The following ABLIM2 variants were observed in gnomAD, a reference collection of about 807,000 sequenced individuals.
ABLIM2 encodes actin binding LIM protein family member 2.
Under a neutral mutation model 97.7 loss-of-function variants are expected in ABLIM2, and 53 were observed. The observed-to-expected ratio is 0.54, with a 90% CI of 0.44 to 0.68. ABLIM2 has a LOEUF of 0.68. Ranked by LOEUF, ABLIM2 falls within the 30% of genes least tolerant of loss-of-function variation. ABLIM2 has a pLI of 0.00. For missense variants in ABLIM2, 835 were observed against 867.2 expected (o/e 0.96, Z 0.47); for synonymous variants, 361 against 345.8 (o/e 1.04, Z -0.49).
intron 1 of ABLIM2, among the ~76,000 whole-genome samples, chr4:8,146,173 C>A (rs1851773433): frequency 6.6e-6 from 1 of 152,212 alleles, no homozygotes; most frequent in Admixed American, 6.5e-5. Context: ...ATTTTTAATG[C>A]ACAATATTCC....
chr4:8,063,027 A>G (rs1262414706), intron 6 of ABLIM2, among the ~76,000 whole-genome samples: 1 of 152,186 alleles, frequency 6.6e-6, no homozygotes, highest in Non-Finnish European at 1.5e-5. Flanking sequence ...GCATGTCTAC[A>G]TGGCACGTCC....
At position 8,067,162 on chromosome 4, in the gene ABLIM2, T is replaced by C. The variant is rs1173305376; in HGVS notation, c.676-6108A>G. ...CAAAGAAGGCAGGCTGGATGCTACC[T>C]CCTGGGAAGACTCCATGGGCCATGG... On this transcript the variant is annotated intron_variant, in intron 6 of 20. Coordinates refer to ENST00000447017, the MANE Select transcript of ABLIM2 (RefSeq NM_001130083.2). This position sits in a 1 kb window ranked among gnomAD's most constrained non-coding sequence, Gnocchi z 5.4. 1.3e-5 allele frequency: 2 copies of C among 152,228 alleles called. No homozygotes were observed. Among genetic ancestry groups the C allele is most frequent in the East Asian group, 3.9e-4 (2 of 5,182 alleles). 9.4% of individuals were successfully genotyped at this position (152,228 alleles called of 1,614,324 possible).
At chr4:8,065,907 G>T (rs1806837089) in intron 6 of ABLIM2, among the ~76,000 whole-genome samples, 1 of 148,756 alleles carries the variant, frequency 6.7e-6, no homozygotes, top group African/African-American at 2.5e-5. Context: ...CTAAGCAACA[G>T]TGCAAGACTC....
intron 7 of ABLIM2, among the ~76,000 whole-genome samples, chr4:8,059,248 GC>G (rs767003200): frequency 1.6e-4 from 25 of 152,202 alleles, no homozygotes; most frequent in Middle Eastern, 3.4e-3. Context: ...GGACTAGCAG[GC>G]CAGAATTTGC....
chr4:8,003,561 C>CTTTTTT lies in ABLIM2; in HGVS notation c.1618+4492_1618+4497dup, dbSNP rs796877068. Among the ~76,000 whole-genome samples, 6 of 120,186 alleles carry CTTTTTT rather than the reference C, an allele frequency of 5.0e-5. No homozygotes were observed. Among genetic ancestry groups the CTTTTTT allele is most frequent in the Non-Finnish European group, 8.9e-5 (5 of 56,218 alleles). The allele number at this position is 120,186 out of a possible 152,430, so 78.8% of individuals were successfully genotyped here. ...ACCACTACGCTCTTCTTCCAGTTTT[C>CTTTTTT]TTTTTTTTTTTTTTTTTTTTTGGAG... On this transcript the variant is annotated intron_variant, in intron 16 of 20. Coordinates refer to ENST00000447017, the MANE Select transcript of ABLIM2 (RefSeq NM_001130083.2). The surrounding 1 kb of genome is among the most constrained non-coding windows in gnomAD (Gnocchi z 4.2).
At chr4:7,993,982 G>A (rs761203383) in intron 16 of ABLIM2, 3 of 501,602 alleles carry the variant, frequency 6.0e-6, no homozygotes, top group East Asian at 5.7e-5. Flanking sequence ...GGAAGTGAAC[G>A]CCTGCCTGGC....
intron 11 of ABLIM2, 71 bp from the exon 12 acceptor site, chr4:8,027,928 C>G (rs1215933714): frequency 9.1e-7 from 1 of 1,097,982 alleles, no homozygotes; most frequent in African/African-American, 1.6e-5. Context: ...TATTCCTCAT[C>G]CCCACTCTGC....
chr4:8,034,524 TG>T (rs1347086370), intron 10 of ABLIM2, among the ~76,000 whole-genome samples: 1 of 15,494 alleles, frequency 6.5e-5, no homozygotes, highest in Non-Finnish European at 1.1e-4. Context: ...TGCAGGTGGG[TG>T]GGTGGTAGGT....
In ABLIM2 at chr4:8,082,776, G is replaced by C. The variant is rs1022240486; in HGVS notation, c.455-1974C>G. On this transcript the variant is annotated intron_variant, in intron 4 of 20. Transcript: ENST00000447017. This position sits in a 1 kb window ranked among gnomAD's most constrained non-coding sequence, Gnocchi z 5.6. Reference sequence around the variant, plus strand: ...AATGAATGAATGGGAACCAAAGTGAGAGGATGCCTCCGCCCTTCTCAAGTC... The same window carrying C: ...AATGAATGAATGGGAACCAAAGTGACAGGATGCCTCCGCCCTTCTCAAGTC... Among the ~76,000 whole-genome samples, 1 of 152,232 alleles carries C rather than the reference G, an allele frequency of 6.6e-6. No individual in the cohort carries two copies. The highest frequency in any genetic ancestry group is 2.4e-5 in the African/African-American group (1 of 41,470).
rs1257926042 is a variant in ABLIM2 at position 8,122,792 on chromosome 4, G to A, written c.11-16155C>T. ...GTCCTCTCTTCACCATTTACGGATG[G>A]GCAAACAGAGGTTCCAAGCAGGAAT... On this transcript the variant is annotated intron_variant, in intron 1 of 20. Coordinates refer to ENST00000447017, the MANE Select transcript of ABLIM2 (RefSeq NM_001130083.2). This position sits in a 1 kb window ranked among gnomAD's most constrained non-coding sequence, Gnocchi z 4.1. Among the ~76,000 whole-genome samples the A allele has an allele frequency of 6.6e-6, 1 of 152,058 alleles. No homozygotes were observed. Among genetic ancestry groups the A allele is most frequent in the Non-Finnish European group, 1.5e-5 (1 of 68,014 alleles).
rs932306965 is a variant in ABLIM2 at position 8,029,667 on chromosome 4, T to C, written c.1157A>G (p.Tyr386Cys). Reference sequence around the variant, plus strand: ...AGGGGGCCAAGTACCTGGACGGCTGTAGTGCTGTGGTGACCGTGAGGTCGG... The same window carrying C: ...AGGGGGCCAAGTACCTGGACGGCTGCAGTGCTGTGGTGACCGTGAGGTCGG... ...YTPTSRSPQH[Y>C]SRPAGTVSVG... is the part of the protein sequence containing the mutation. The change falls in exon 11 of 21, where the codon TAC becomes TGC. Residue 386 changes from tyrosine (Y) to cysteine (C), a missense_variant. By Grantham distance (194) the Tyr-to-Cys change is radical. Coordinates refer to ENST00000447017, the MANE Select transcript of ABLIM2 (RefSeq NM_001130083.2). 9.1e-6 allele frequency: 14 copies of C among 1,544,132 alleles called. No individual in the cohort carries two copies. Among genetic ancestry groups the C allele is most frequent in the Middle Eastern group, 1.7e-4 (1 of 5,958 alleles).
At chr4:8,055,900 G>A (rs986047350) in intron 7 of ABLIM2, among the ~76,000 whole-genome samples, 3 of 151,990 alleles carry the variant, frequency 2.0e-5, no homozygotes, top group African/African-American at 7.2e-5. Context: ...ATCACTCGAG[G>A]TCAGGAGTTT....
chr4:8,109,925 G>A (rs1438289220), intron 1 of ABLIM2, among the ~76,000 whole-genome samples: 3 of 152,334 alleles, frequency 2.0e-5, no homozygotes, highest in South Asian at 2.1e-4. Flanking sequence ...CTTGTCCCAC[G>A]CGCCTTTTGC....
chr4:8,118,366 G>A (rs1843717288), intron 1 of ABLIM2, among the ~76,000 whole-genome samples: 1 of 152,198 alleles, frequency 6.6e-6, no homozygotes, highest in Non-Finnish European at 1.5e-5. Context: ...CAGGGTTGTA[G>A]GGAGGCCTCT....
At chr4:8,139,404 T>C (rs542188641) in intron 1 of ABLIM2, among the ~76,000 whole-genome samples, 5 of 151,940 alleles carry the variant, frequency 3.3e-5, no homozygotes, top group African/African-American at 1.2e-4. Context: ...TAAACATATT[T>C]ACAAGAAAAA....
chr4:8,121,838 C>T (rs1019630682), intron 1 of ABLIM2, among the ~76,000 whole-genome samples: 2 of 152,186 alleles, frequency 1.3e-5, no homozygotes, highest in Admixed American at 1.3e-4. Flanking sequence ...CATCATCTTT[C>T]AGTTCCTGTG....
Position 8,054,620 on chromosome 4 carries a change from T to G in ABLIM2, c.764-374A>C, listed in dbSNP as rs1486455764. Among the ~76,000 whole-genome samples, 2 of 152,198 alleles carry G rather than the reference T, an allele frequency of 1.3e-5. No individual in the cohort carries two copies. Among genetic ancestry groups the G allele is most frequent in the Non-Finnish European group, 2.9e-5 (2 of 68,018 alleles). ...GGGTTTCAAGTCCCTGCCTAGGATG[T>G]AGGATTGGCTGCCTGCATGTTGAGG... On this transcript the variant is annotated intron_variant, in intron 7 of 20. Coordinates refer to ENST00000447017, the MANE Select transcript of ABLIM2 (RefSeq NM_001130083.2). The surrounding 1 kb of genome is among the most constrained non-coding windows in gnomAD (Gnocchi z 4.9).
At chr4:8,107,269 T>A (rs1191100407) in intron 1 of ABLIM2, among the ~76,000 whole-genome samples, 2 of 152,236 alleles carry the variant, frequency 1.3e-5, no homozygotes, top group South Asian at 2.1e-4. Flanking sequence ...AGGGCCTGAC[T>A]GTGGGGCTCC....
chr4:8,057,098 CTTTTT>C (rs11333108), intron 7 of ABLIM2, among the ~76,000 whole-genome samples: 1 of 130,146 alleles, frequency 7.7e-6, no homozygotes, highest in African/African-American at 2.8e-5. Context: ...TTCTTTCTTT[CTTTTT>C]TTTTTTTTTT....
Sources: allele counts gnomAD v4.1 joint callset (sites outside exome capture counted in the v4.1 genomes callset), GRCh38; gene constraint gnomAD v4.1.1; non-coding constraint Gnocchi (gnomAD v3.1); transcripts MANE v1.5; gene names NCBI Gene and HGNC (gene_info 2026-07-23, HGNC 2026-07-21).